Variants in KCNIP4 observed in about 807,000 individuals in gnomAD.
KCNIP4 encodes Kv channel-interacting protein 4.
In KCNIP4, 12 loss-of-function variants were observed where a neutral mutation model predicts 34.0. The observed-to-expected ratio is 0.35, with a 90% CI of 0.23 to 0.57. The LOEUF is 0.57. Ranked by LOEUF, KCNIP4 falls within the 20% of genes least tolerant of loss-of-function variation. The probability of loss-of-function intolerance (pLI) is 0.83; values close to 1 mark genes in which losing one functional copy is unlikely to be tolerated. For synonymous variants in KCNIP4, 124 were observed against 102.2 expected (o/e 1.21, Z -1.29); for missense variants, 238 against 311.7 (o/e 0.76, Z 1.78).
intron 2 of KCNIP4, among the ~76,000 whole-genome samples, chr4:20,872,346 T>C (rs1421703320): frequency 6.6e-6 from 1 of 152,118 alleles, no homozygotes; most frequent in East Asian, 1.9e-4. Flanking sequence ...TAATGAAACC[T>C]TACAAATAAA....
Position 21,688,103 on chromosome 4 carries a change from C to T in KCNIP4, c.61+260468G>A, listed in dbSNP as rs1021047256. The stretch of plus-strand genomic sequence containing the variant: ...TATATTTATTTATGATATCCTCTCA[C>T]AATACCATAAAGAAATAATCTATAT... On this transcript the variant is annotated intron_variant, in intron 1 of 8. Transcript: ENST00000382152. Among the ~76,000 whole-genome samples the T allele has an allele frequency of 2.2e-4, 34 of 152,134 alleles. 2 individuals are homozygous for T.
intron 1 of KCNIP4, among the ~76,000 whole-genome samples, chr4:21,334,921 T>C (rs1388168643): frequency 6.6e-6 from 1 of 152,036 alleles, no homozygotes; most frequent in Non-Finnish European, 1.5e-5. Flanking sequence ...GACTCTGGAG[T>C]TGTTTCTAGA....
chr4:20,877,935 C>A (rs1264370858), intron 2 of KCNIP4, among the ~76,000 whole-genome samples: 1 of 151,398 alleles, frequency 6.6e-6, no homozygotes, highest in African/African-American at 2.4e-5. Context: ...TATCCTCCTG[C>A]AGGCAAAGGG....
In KCNIP4 at chr4:20,894,891, C is replaced by T. The variant is rs139433694; in HGVS notation, c.62-12182G>A. 3.2e-3 allele frequency among the ~76,000 whole-genome samples: 484 copies of T among 152,254 alleles called. 2 individuals are homozygous for T. The highest frequency in any genetic ancestry group is 0.011 in the African/African-American group (467 of 41,548). ...TGCCTAAGATGCAATGCTCTAACAA[C>T]AATAAGAACAAAGAGAACCTTCTAT... is the stretch of plus-strand genomic sequence containing the variant. On this transcript the variant is annotated intron_variant, in intron 1 of 8. Transcript: ENST00000382152.
chr4:21,234,579 C>T (rs1343383813), intron 1 of KCNIP4, among the ~76,000 whole-genome samples: 1 of 133,100 alleles, frequency 7.5e-6, no homozygotes, highest in African/African-American at 2.9e-5. Context: ...ATATATATTA[C>T]ATATAACGTA....
intron 5 of KCNIP4, among the ~76,000 whole-genome samples, chr4:20,737,763 G>A (rs1279490263): frequency 6.6e-6 from 1 of 152,170 alleles, no homozygotes; most frequent in African/African-American, 2.4e-5. Flanking sequence ...CCATATTTTA[G>A]AAAATTATTT....
At chr4:21,741,954 T>C (rs1015553731) in intron 1 of KCNIP4, among the ~76,000 whole-genome samples, 3 of 152,210 alleles carry the variant, frequency 2.0e-5, no homozygotes, top group Non-Finnish European at 4.4e-5. Flanking sequence ...GGAGAATTGC[T>C]TGAACCCTGG....
chr4:20,766,089 C>T (rs1219570341), intron 3 of KCNIP4, among the ~76,000 whole-genome samples: 2 of 151,990 alleles, frequency 1.3e-5, no homozygotes, highest in African/African-American at 4.8e-5. Context: ...CACATGAGCA[C>T]TTTTTATGTT....
intron 1 of KCNIP4, among the ~76,000 whole-genome samples, chr4:21,204,720 G>T (rs1756726501): frequency 1.3e-5 from 2 of 152,168 alleles, no homozygotes; most frequent in African/African-American, 4.8e-5. Context: ...GGAAACATTG[G>T]AAATAGATGT....
At position 21,410,593 on chromosome 4, in the gene KCNIP4, G is replaced by A. The variant is rs116561488; in HGVS notation, c.62-527884C>T. On this transcript the variant is annotated intron_variant, in intron 1 of 8. Transcript: ENST00000382152. Reference sequence around the variant, plus strand: ...AGTGAACCATCGAGTGGATCAGCCAGCCACAGTTAAGCCTGTAGGTGGCAG... The same window carrying A: ...AGTGAACCATCGAGTGGATCAGCCAACCACAGTTAAGCCTGTAGGTGGCAG... Among the ~76,000 whole-genome samples, 505 of 152,272 alleles carry A rather than the reference G, an allele frequency of 3.3e-3. 5 individuals are homozygous for A. The highest frequency in any genetic ancestry group is 0.012 in the African/African-American group (487 of 41,552).
At chr4:21,915,641 T>C (rs547787829) in intron 1 of KCNIP4, among the ~76,000 whole-genome samples, 2 of 152,208 alleles carry the variant, frequency 1.3e-5, no homozygotes, top group Non-Finnish European at 2.9e-5. Flanking sequence ...GCATATGACA[T>C]AAATATGTTG....
intron 1 of KCNIP4, among the ~76,000 whole-genome samples, chr4:21,253,803 G>A (rs896480701): frequency 5.9e-5 from 9 of 152,168 alleles, no homozygotes; most frequent in African/African-American, 2.2e-4. Flanking sequence ...AGTGGAAACA[G>A]CCAAATGTCC....
chr4:20,739,242 C>T lies in KCNIP4; in HGVS notation c.430-4507G>A, dbSNP rs566528760. On this transcript the variant is annotated intron_variant, in intron 5 of 8. Transcript: ENST00000382152. ...ACAGCTTTGAAGAGAGTAGTTCTCC[C>T]AGCATGGAGTTTGAGATCTGAGAAC... 3.3e-5 allele frequency among the ~76,000 whole-genome samples: 5 copies of T among 152,332 alleles called. No homozygotes were observed. In the South Asian group the frequency reaches 8.3e-4, roughly 25 times the overall value.
chr4:21,054,239 C>T (rs575344071), intron 1 of KCNIP4, among the ~76,000 whole-genome samples: 1 of 152,182 alleles, frequency 6.6e-6, no homozygotes, highest in East Asian at 1.9e-4. Flanking sequence ...AACAAAGAGG[C>T]TGGGCATGCT....
intron 1 of KCNIP4, among the ~76,000 whole-genome samples, chr4:21,569,095 T>C (rs1186050929): frequency 1.3e-5 from 2 of 151,796 alleles, no homozygotes; most frequent in African/African-American, 2.4e-5. Context: ...TGTGAGACAA[T>C]ATATTCCTAT....
At chr4:20,872,415 T>C (rs1284349773) in intron 2 of KCNIP4, among the ~76,000 whole-genome samples, 2 of 152,092 alleles carry the variant, frequency 1.3e-5, no homozygotes, top group African/African-American at 2.4e-5. Flanking sequence ...TTCAAAACCC[T>C]TGGCAAAAGG....
At chr4:20,838,979 A>AT (rs1719389256) in intron 3 of KCNIP4, among the ~76,000 whole-genome samples, 1 of 152,102 alleles carries the variant, frequency 6.6e-6, no homozygotes, top group African/African-American at 2.4e-5. Flanking sequence ...ATCTCTTTTG[A>AT]TTTTTGCAAA....
rs73802311 is a variant in KCNIP4 at position 20,756,358 on chromosome 4, G to A, written c.358+2463C>T. ...GATTCATGGACTCCACTATCCCATC[G>A]CATCACTATCTTTTTCCTCCAATTC... On this transcript the variant is annotated intron_variant, in intron 4 of 8. Coordinates refer to ENST00000382152, the MANE Select transcript of KCNIP4 (RefSeq NM_025221.6). Among the ~76,000 whole-genome samples, 762 of 152,084 alleles carry A rather than the reference G, an allele frequency of 5.0e-3. 8 individuals carry two copies. Among genetic ancestry groups the A allele is most frequent in the African/African-American group, 0.017 (704 of 41,472 alleles).
intron 1 of KCNIP4, among the ~76,000 whole-genome samples, chr4:20,965,683 T>C (rs1389859250): frequency 6.6e-6 from 1 of 152,192 alleles, no homozygotes; most frequent in East Asian, 1.9e-4. Flanking sequence ...TATTGTAAAA[T>C]GTGTGTATTT....
Sources: gnomAD v4.1 joint callset for allele counts (sites outside exome capture counted in the v4.1 genomes callset) on GRCh38, gnomAD v4.1.1 for gene constraint, MANE v1.5 for transcripts, NCBI Gene and HGNC (gene_info 2026-07-23, HGNC 2026-07-21) for gene names.